The following RAP1A variants were observed in gnomAD, a reference collection of about 807,000 sequenced individuals.
RAP1A encodes RAP1A, member of RAS oncogene family, also known as ras-related protein Rap-1A.
RAP1A carries 6 observed loss-of-function variants against 26.4 expected under a neutral mutation model. The observed-to-expected ratio is 0.23, with a 90% CI of 0.12 to 0.45. RAP1A has a LOEUF of 0.45. Among genes scored for constraint, RAP1A ranks in the 20% least tolerant of loss-of-function variants. The pLI, the probability that RAP1A is intolerant of heterozygous loss-of-function variation, is 0.99. For missense variants in RAP1A, 121 were observed against 217.2 expected (o/e 0.56, Z 2.78); for synonymous variants, 73 against 79.4 (o/e 0.92, Z 0.43).
chr1:111,672,117 C>G (rs1191248506), intron 1 of RAP1A, among the ~76,000 whole-genome samples: 3 of 151,918 alleles, frequency 2.0e-5, no homozygotes, highest in Admixed American at 2.0e-4. Context: ...GATTCATTAT[C>G]TGCTCAAATC....
chr1:111,633,277 C>T (rs545118546), intron 1 of RAP1A, among the ~76,000 whole-genome samples: 151 of 152,258 alleles, frequency 9.9e-4, no homozygotes, highest in Non-Finnish European at 1.9e-3. Context: ...TGCTGTTCTC[C>T]ATTCTAATCA....
chr1:111,661,830 T>G (rs1403275914), intron 1 of RAP1A, among the ~76,000 whole-genome samples: 12 of 151,626 alleles, frequency 7.9e-5, no homozygotes, highest in Admixed American at 7.9e-4. Flanking sequence ...AATTTCCAAT[T>G]GAGAGGATCT....
intron 6 of RAP1A, among the ~76,000 whole-genome samples, chr1:111,705,437 A>C: frequency 6.6e-6 from 1 of 152,184 alleles, no homozygotes; most frequent in East Asian, 1.9e-4. Context: ...CTTATAGACT[A>C]TTTGACTTTT....
At chr1:111,673,978 G>A (rs1176805709) in intron 1 of RAP1A, among the ~76,000 whole-genome samples, 1 of 152,182 alleles carries the variant, frequency 6.6e-6, no homozygotes, top group Non-Finnish European at 1.5e-5. Flanking sequence ...TGCCATTTTA[G>A]TTGAGGAACA....
chr1:111,653,453 G>A (rs1336101444), intron 1 of RAP1A, among the ~76,000 whole-genome samples: 1 of 151,884 alleles, frequency 6.6e-6, no homozygotes, highest in African/African-American at 2.4e-5. Flanking sequence ...AGGCTGAGGC[G>A]GGCGGATCAC....
At chr1:111,618,678 C>G (rs1255305504), upstream of RAP1A, among the ~76,000 whole-genome samples, 2 of 152,158 alleles carry the variant, frequency 1.3e-5, no homozygotes, top group Non-Finnish European at 2.9e-5. Flanking sequence ...TTCCCCATCC[C>G]CAAATCTGCT....
At chr1:111,580,851 A>G (rs1658242053) in intron 1 of RAP1A, among the ~76,000 whole-genome samples, 1 of 57,816 alleles carries the variant, frequency 1.7e-5, no homozygotes, top group Admixed American at 2.8e-4. Flanking sequence ...TCTCAAAAAC[A>G]AAAAAACAAA....
chr1:111,679,293 G>A (rs577256795), intron 1 of RAP1A, among the ~76,000 whole-genome samples: 11 of 152,170 alleles, frequency 7.2e-5, no homozygotes, highest in South Asian at 6.2e-4. Context: ...AGGGGTCAGC[G>A]AACTCCCTCC....
intron 4 of RAP1A, 90 bp from the exon 5 acceptor site, chr1:111,703,246 T>G: frequency 1.1e-6 from 1 of 896,226 alleles, no homozygotes; most frequent in Non-Finnish European, 1.5e-6. Flanking sequence ...ATAAAAAATG[T>G]TACTCACTTG....
Position 111,577,401 on chromosome 1 carries a change from CAAAAAAAAAAAAA to C in RAP1A, c.-28+34907_-28+34919del, listed in dbSNP as rs56156855. 2.1e-4 allele frequency among the ~76,000 whole-genome samples: 6 copies of C among 29,058 alleles called. No homozygotes were observed. The East Asian group carries it at 5.7e-3, about 28-fold the overall frequency. The allele number at this position is 29,058 out of a possible 152,430, so 19.1% of individuals were successfully genotyped here. A position where few individuals can be genotyped will look rare whatever the true frequency, so the allele number is the denominator to read the frequency against. The stretch of plus-strand genomic sequence containing the variant: ...TGGGCAACAGAGCAAGACTCCATCG[CAAAAAAAAAAAAA>C]AAAAAAAAAAAAAAGAATAGCAGAA... On this transcript the variant is annotated intron_variant, in intron 1 of 7. Coordinates refer to the RAP1A transcript ENST00000356415.
chr1:111,562,093 G>T (rs960662253), intron 1 of RAP1A, among the ~76,000 whole-genome samples: 1 of 152,072 alleles, frequency 6.6e-6, no homozygotes, highest in African/African-American at 2.4e-5. Flanking sequence ...CATCATATGT[G>T]TCTCCAGGTC....
At chr1:111,659,560 T>A (rs1190100794) in intron 1 of RAP1A, among the ~76,000 whole-genome samples, 4 of 152,176 alleles carry the variant, frequency 2.6e-5, no homozygotes, top group Non-Finnish European at 5.9e-5. Context: ...AGGGTACATG[T>A]GCACATTGTG....
intron 1 of RAP1A, among the ~76,000 whole-genome samples, chr1:111,652,172 C>T (rs1400452300): frequency 1.3e-5 from 2 of 152,100 alleles, no homozygotes; most frequent in African/African-American, 4.8e-5. Context: ...CCAGGTTTCG[C>T]CATATTGGCC....
At chr1:111,636,064 A>G (rs1375156762) in intron 1 of RAP1A, among the ~76,000 whole-genome samples, 2 of 152,150 alleles carry the variant, frequency 1.3e-5, no homozygotes, top group African/African-American at 4.8e-5. Context: ...TTAATAGTTT[A>G]GACCTAAAGT....
At chr1:111,676,883 TC>T (rs1477287154) in intron 1 of RAP1A, among the ~76,000 whole-genome samples, 1 of 152,028 alleles carries the variant, frequency 6.6e-6, no homozygotes, top group African/African-American at 2.4e-5. Context: ...ACCCTCCGCT[TC>T]CCATGTTCAA....
rs182773694 is a variant in RAP1A, at chr1:111,591,668, C to G, written c.-28+49159C>G. 3.3e-5 allele frequency among the ~76,000 whole-genome samples: 5 copies of G among 152,278 alleles called. No individual in the cohort carries two copies. The East Asian group carries it at 9.6e-4, about 29-fold the overall frequency. On this transcript the variant is annotated intron_variant, in intron 1 of 7. Transcript: ENST00000356415. ...TTAAAAACCGATCAGATAACATGATCTATATGATACTGACTTGTCTGGGCT... is the reference window on the plus strand; with the variant it reads ...TTAAAAACCGATCAGATAACATGATGTATATGATACTGACTTGTCTGGGCT...
chr1:111,649,549 C>A, intron 1 of RAP1A: 1 of 254,428 alleles, frequency 3.9e-6, no homozygotes, highest in Non-Finnish European at 8.0e-6. Context: ...AAAGCTCATG[C>A]TCTCTGGGGA....
chr1:111,560,017 A>G (rs1316190442), intron 1 of RAP1A, among the ~76,000 whole-genome samples: 1 of 152,212 alleles, frequency 6.6e-6, no homozygotes, highest in African/African-American at 2.4e-5. Context: ...TGAGTTAAAA[A>G]TTGCCGCTCA....
intron 1 of RAP1A, among the ~76,000 whole-genome samples, chr1:111,644,732 G>T (rs973361863): frequency 6.6e-6 from 1 of 152,294 alleles, no homozygotes; most frequent in Admixed American, 6.5e-5. Flanking sequence ...ATGTTACAAG[G>T]CCTGATAATG....
Sources: allele counts gnomAD v4.1 joint callset (sites outside exome capture counted in the v4.1 genomes callset), GRCh38; gene constraint gnomAD v4.1.1; transcripts MANE v1.5; gene names NCBI Gene and HGNC (gene_info 2026-07-23, HGNC 2026-07-21).